Variants in PARP14 observed in about 807,000 individuals in gnomAD.
PARP14 encodes the protein protein mono-ADP-ribosyltransferase PARP14.
A neutral mutation model predicts 154.2 loss-of-function variants in PARP14; 59 were observed. The ratio of observed to expected loss-of-function variants is 0.38; its 90% confidence interval spans 0.31 to 0.48. PARP14 has a LOEUF of 0.48. PARP14 is among the 20% of genes least tolerant of loss of function. PARP14 has a pLI of 0.98. For synonymous variants in PARP14, 720 were observed against 780.5 expected, an observed-to-expected ratio of 0.92 and a Z score of 1.29; for missense variants, 1,734 against 2,131.6, an observed-to-expected ratio of 0.81 and a Z score of 3.67.
rs1380931225 is a variant in PARP14 at position 122,681,076 on chromosome 3, G to A, written c.187+6G>A. 6.2e-7 allele frequency: 1 copy of A among 1,609,896 alleles called. No homozygotes were observed. The highest frequency in any genetic ancestry group is 2.2e-5 in the East Asian group (1 of 44,838). On this transcript the variant is annotated splice_donor_region_variant and intron_variant, in intron 1 of 16. Transcript: ENST00000474629. The surrounding 1 kb of genome is among the most constrained non-coding windows in gnomAD (Gnocchi z 5.5). ...GTTCTTCTACCCGGAGGACGGTGAG[G>A]GGCGCGAGGGGTGGGGTGAGGAGGG...
chr3:122,704,014 T>C, intron 7 of PARP14, 36 bp downstream of exon 7: 2 of 1,477,786 alleles, frequency 1.4e-6, no homozygotes, highest in Non-Finnish European at 1.9e-6. Context: ...TGAAGTTGGG[T>C]AGCCCTTTGG....
At chr3:122,722,923 T>C (rs527788189) in intron 15 of PARP14, among the ~76,000 whole-genome samples, 1 of 150,374 alleles carries the variant, frequency 6.7e-6, no homozygotes, top group East Asian at 2.0e-4. Flanking sequence ...TAATATCCAA[T>C]ATGCATTTCA....
At chr3:122,727,448 T>C (rs950193471) in intron 15 of PARP14, among the ~76,000 whole-genome samples, 56 of 152,302 alleles carry the variant, frequency 3.7e-4, no homozygotes, top group African/African-American at 1.3e-3. Context: ...ACTGAGGTGG[T>C]GAGAGGCAAA....
At chr3:122,709,928 G>A (rs1435795080) in intron 9 of PARP14, among the ~76,000 whole-genome samples, 2 of 148,618 alleles carry the variant, frequency 1.3e-5, no homozygotes, top group South Asian at 2.1e-4. Flanking sequence ...TTTTTCTTGC[G>A]ATTTGCTTGA....
At chr3:122,709,892 G>GT (rs146839683) in intron 9 of PARP14, among the ~76,000 whole-genome samples, 68,586 of 145,490 alleles carry the variant, frequency 0.47, 17,356 homozygotes, top group Non-Finnish European at 0.59. Flanking sequence ...GGGATTATTT[G>GT]TTTTTTTTTT....
rs1277618243 is a variant in PARP14 at position 122,718,402 on chromosome 3, T to C, written c.4251T>C (p.His1417=). ...FSKQSPQKKN[H]LVLEKKTESA... Reference sequence around the variant, plus strand: ...AGCAATCTCCCCAAAAAAAGAATCATTTGGTTTTGGAAAAGAAAACAGAAT... The same window carrying C: ...AGCAATCTCCCCAAAAAAAGAATCACTTGGTTTTGGAAAAGAAAACAGAAT... Residue 1417 remains histidine, a synonymous_variant, in exon 14 of 17, where the codon CAT becomes CAC. Coordinates refer to ENST00000474629, the MANE Select transcript of PARP14 (RefSeq NM_017554.3). 3 of 1,612,912 alleles carry C rather than the reference T, an allele frequency of 1.9e-6. No homozygotes were observed. Among genetic ancestry groups the C allele is most frequent in the Non-Finnish European group, 8.5e-7 (1 of 1,179,666 alleles).
chr3:122,687,690 T>C (rs1344152405), intron 3 of PARP14, among the ~76,000 whole-genome samples: 1 of 152,208 alleles, frequency 6.6e-6, no homozygotes, highest in Admixed American at 6.5e-5. Flanking sequence ...ACTCCAATGC[T>C]CAACTAGCGT....
intron 7 of PARP14, 23 bp downstream of exon 7, chr3:122,704,001 C>G: frequency 6.5e-7 from 1 of 1,550,240 alleles, no homozygotes; most frequent in Non-Finnish European, 8.9e-7. Flanking sequence ...TTTGAATTCT[C>G]CATGAAGTTG....
intron 1 of PARP14, chr3:122,683,429 G>A (rs867061420): frequency 4.3e-6 from 1 of 234,390 alleles, no homozygotes; most frequent in Non-Finnish European, 7.0e-6. Flanking sequence ...ATGGGAAGCT[G>A]TATCTCACTT....
Position 122,727,932 on chromosome 3 carries a change from T to C in PARP14, c.5062T>C (p.Ser1688Pro), listed in dbSNP as rs756738272. 27 of 1,613,660 alleles carry C rather than the reference T, an allele frequency of 1.7e-5. No homozygotes were observed. Among genetic ancestry groups the C allele is most frequent in the Non-Finnish European group, 2.1e-5 (25 of 1,179,764 alleles). The change falls in exon 16 of 17, where the codon TCC becomes CCC. Residue 1688 changes from serine to proline, a missense_variant. This residue lies in a region of PARP14 where 88 missense variants were observed against 155.6 expected (regional missense o/e 0.57). Coordinates refer to ENST00000474629, the MANE Select transcript of PARP14 (RefSeq NM_017554.3). Reference sequence around the variant, plus strand: ...ACTCTTCCATGGGACAGATGCCGGCTCCGTGCCACACGTCAATCGAAATGG... The same window carrying C: ...ACTCTTCCATGGGACAGATGCCGGCCCCGTGCCACACGTCAATCGAAATGG... ...KQLFHGTDAG[S>P]VPHVNRNGFN...
Position 122,699,850 on chromosome 3 carries a change from G to A in PARP14, c.1296G>A (p.Met432Ile), listed in dbSNP as rs777013089. Reference protein sequence around the residue: ...ILIEFDTLKEMVILAGKSEDV... With the variant: ...ILIEFDTLKEIVILAGKSEDV... ...TTGAGTTTGATACACTTAAGGAGAT[G>A]GTAATCTTAGCAGGGAAATCAGAGG... Residue 432 changes from methionine (M) to isoleucine (I), a missense_variant, in exon 6 of 17, where the codon ATG (methionine) becomes ATA (isoleucine). Coordinates refer to ENST00000474629, the MANE Select transcript of PARP14 (RefSeq NM_017554.3). 3 of 1,613,792 alleles carry A rather than the reference G, an allele frequency of 1.9e-6. No individual in the cohort carries two copies. Among genetic ancestry groups the A allele is most frequent in the Non-Finnish European group, 2.5e-6 (3 of 1,179,712 alleles).
At chr3:122,699,117 GT>G (rs1938868440) in intron 5 of PARP14, among the ~76,000 whole-genome samples, 1 of 152,158 alleles carries the variant, frequency 6.6e-6, no homozygotes, top group Non-Finnish European at 1.5e-5. Context: ...ACACATATCA[GT>G]TTATATTTGA....
chr3:122,706,339 G>A (rs995478544), intron 8 of PARP14, among the ~76,000 whole-genome samples: 8 of 152,036 alleles, frequency 5.3e-5, no homozygotes, highest in Non-Finnish European at 8.8e-5. Flanking sequence ...AAAGCTTATC[G>A]AGATGTTTAT....
At chr3:122,688,138 G>A (rs1042759131) in intron 3 of PARP14, among the ~76,000 whole-genome samples, 5 of 151,122 alleles carry the variant, frequency 3.3e-5, no homozygotes, top group South Asian at 2.1e-4. Flanking sequence ...CTCACTTGTC[G>A]AACTGGCTCC....
Position 122,701,860 on chromosome 3 carries a change from A to G in PARP14, c.3081+225A>G, listed in dbSNP as rs1938989542. On this transcript the variant is annotated intron_variant, in intron 6 of 16. Transcript: ENST00000474629. The surrounding 1 kb of genome is among the most constrained non-coding windows in gnomAD (Gnocchi z 4.0). Reference sequence around the variant, plus strand: ...AATTATTTGTGAGAACTGAAAGGGTATAGAGGTCAGATTGCTAGATTTCCA... The same window carrying G: ...AATTATTTGTGAGAACTGAAAGGGTGTAGAGGTCAGATTGCTAGATTTCCA... Among the ~76,000 whole-genome samples the G allele has an allele frequency of 1.3e-5, 2 of 152,238 alleles. No homozygotes were observed. Among genetic ancestry groups the G allele is most frequent in the Admixed American group, 6.5e-5 (1 of 15,288 alleles).
intron 4 of PARP14, among the ~76,000 whole-genome samples, chr3:122,693,558 G>C (rs1000069467): frequency 1.3e-5 from 2 of 152,180 alleles, no homozygotes; most frequent in Non-Finnish European, 2.9e-5. Flanking sequence ...TTAACATAGG[G>C]CCAGGTGTAG....
chr3:122,728,054 C>G, intron 16 of PARP14, 68 bp downstream of exon 16: 5 of 1,415,036 alleles, frequency 3.5e-6, no homozygotes, highest in Non-Finnish European at 3.9e-6. Context: ...TTGGCTGGGA[C>G]AGTGTGGATT....
chr3:122,700,570 G>A lies in PARP14; in HGVS notation c.2016G>A (p.Glu672=), dbSNP rs1277893585. 3 of 1,594,180 alleles carry A rather than the reference G, an allele frequency of 1.9e-6. No homozygotes were observed. Among genetic ancestry groups the A allele is most frequent in the African/African-American group, 1.3e-5 (1 of 74,504 alleles). ...TCGTTGAACAAAACATGAAAATAGA[G>A]AGACTGGTTGAAGTAAAGCCTTCCT... ...FNFVEQNMKI[E]RLVEVKPSLV... The change falls in exon 6 of 17, where the codon GAG becomes GAA. Residue 672 remains glutamate (E), a synonymous_variant. Coordinates refer to ENST00000474629, the MANE Select transcript of PARP14 (RefSeq NM_017554.3).
intron 2 of PARP14, 104 bp downstream of exon 2, chr3:122,685,422 A>G: frequency 9.4e-7 from 1 of 1,065,568 alleles, no homozygotes; most frequent in Non-Finnish European, 1.4e-6. Context: ...GCATGAAGCA[A>G]ACTGCAGCGA....
Sources: allele counts gnomAD v4.1 joint callset (sites outside exome capture counted in the v4.1 genomes callset), GRCh38; gene constraint gnomAD v4.1.1; regional missense constraint gnomAD v4.1.1; non-coding constraint Gnocchi (gnomAD v3.1); transcripts MANE v1.5; gene names NCBI Gene and HGNC (gene_info 2026-07-23, HGNC 2026-07-21).